The following TCF7L1 variants were observed in gnomAD, a reference collection of about 807,000 sequenced individuals.
TCF7L1 encodes the protein transcription factor 7 like 1.
In TCF7L1, 18 loss-of-function variants were observed where a neutral mutation model predicts 63.7. The ratio of observed to expected loss-of-function variants is 0.28; its 90% CI spans 0.20 to 0.42. The LOEUF (loss-of-function observed/expected upper bound fraction) is 0.42, where lower values mean the gene tolerates loss of function less well. TCF7L1 is among the 10% of genes least tolerant of loss of function. The pLI is 1.00. For missense variants in TCF7L1, 654 were observed against 779.3 expected (o/e 0.84, Z 1.91); for synonymous variants, 355 against 340.9 (o/e 1.04, Z -0.46).
At chr2:85,233,997 G>C (rs1680140583) in intron 3 of TCF7L1, 1 of 152,108 alleles carries the variant, frequency 6.6e-6, no homozygotes, top group South Asian at 2.1e-4. Context: ...TCTAGTGTGG[G>C]AAGATTATGT....
At chr2:85,244,018 A>G (rs1031318833) in intron 3 of TCF7L1, among the ~76,000 whole-genome samples, 4 of 152,202 alleles carry the variant, frequency 2.6e-5, no homozygotes, top group Admixed American at 1.3e-4. Flanking sequence ...CATTTATTCA[A>G]TATTTATTGA....
In TCF7L1 at chr2:85,298,010, T is replaced by A. The variant is rs554613673; in HGVS notation, c.526-4474T>A. ...TCTCCCTCTGTCGCTCAGGATGGAG[T>A]GCAGTGGTGCGATCTCGGCTCACTG... On this transcript the variant is annotated intron_variant, in intron 4 of 11. Transcript: ENST00000282111. Among the ~76,000 whole-genome samples, 642 of 150,710 alleles carry A rather than the reference T, an allele frequency of 4.3e-3. 3 individuals carry two copies. Among genetic ancestry groups the A allele is most frequent in the Non-Finnish European group, 6.1e-3 (411 of 67,768 alleles).
Position 85,304,999 on chromosome 2 carries a change from C to A in TCF7L1, c.846-261C>A, listed in dbSNP as rs185884330. Among the ~76,000 whole-genome samples the A allele has an allele frequency of 3.6e-3, 542 of 152,272 alleles. 8 individuals are homozygous for A. The highest frequency in any genetic ancestry group is 0.012 in the African/African-American group (504 of 41,550). ...TTCCCCAGTATGCCCGGGCCTCTGACCCTCCTCCCCTTTTGTGTGTTTCAT... is the reference window on the plus strand; with the variant it reads ...TTCCCCAGTATGCCCGGGCCTCTGAACCTCCTCCCCTTTTGTGTGTTTCAT... On this transcript the variant is annotated intron_variant, in intron 7 of 11. Transcript: ENST00000282111.
intron 3 of TCF7L1, among the ~76,000 whole-genome samples, chr2:85,216,026 A>G (rs955502223): frequency 6.6e-6 from 1 of 151,934 alleles, no homozygotes; most frequent in African/African-American, 2.4e-5. Flanking sequence ...GCGGGGGACA[A>G]TCTCCCTTTC....
intron 3 of TCF7L1, among the ~76,000 whole-genome samples, chr2:85,193,047 T>A (rs1188007768): frequency 6.6e-6 from 1 of 152,200 alleles, no homozygotes; most frequent in Non-Finnish European, 1.5e-5. Context: ...TTCATTTGAA[T>A]GAATTGTATC....
intron 3 of TCF7L1, among the ~76,000 whole-genome samples, chr2:85,246,295 A>T (rs1177630556): frequency 6.6e-6 from 1 of 152,258 alleles, no homozygotes; most frequent in Non-Finnish European, 1.5e-5. Flanking sequence ...GGATTTAATT[A>T]CTTAATGAAT....
intron 3 of TCF7L1, among the ~76,000 whole-genome samples, chr2:85,144,751 A>ATGTG (rs957076937): frequency 7.1e-6 from 1 of 141,492 alleles, no homozygotes; most frequent in Admixed American, 7.1e-5. Flanking sequence ...GTGTGTGTGT[A>ATGTG]TGTGTGTGTG....
At chr2:85,298,191 CAA>C (rs759348807) in intron 4 of TCF7L1, among the ~76,000 whole-genome samples, 4 of 44,738 alleles carry the variant, frequency 8.9e-5, no homozygotes, top group Non-Finnish European at 1.4e-4. Context: ...GACTCCATCT[CAA>C]AAAAAAAAAA....
chr2:85,174,281 A>G (rs1226186635), intron 3 of TCF7L1, among the ~76,000 whole-genome samples: 2 of 152,092 alleles, frequency 1.3e-5, no homozygotes, highest in African/African-American at 2.4e-5. Context: ...GGTGTTTTCA[A>G]GGTTCCTCTG....
At position 85,189,557 on chromosome 2, in the gene TCF7L1, G is replaced by C. The variant is rs565721528; in HGVS notation, c.441+55107G>C. 6.6e-5 allele frequency among the ~76,000 whole-genome samples: 10 copies of C among 152,356 alleles called. No homozygotes were observed. The South Asian group carries it at 1.9e-3, about 28-fold the overall frequency. ...CCTCTGCTGCTGTTACCACCATCAGGGGTGGGGGTAGGGGTGCTGTACAGT... is the reference window on the plus strand; with the variant it reads ...CCTCTGCTGCTGTTACCACCATCAGCGGTGGGGGTAGGGGTGCTGTACAGT... On this transcript the variant is annotated intron_variant, in intron 3 of 11. Coordinates refer to ENST00000282111, the MANE Select transcript of TCF7L1 (RefSeq NM_031283.3).
intron 3 of TCF7L1, among the ~76,000 whole-genome samples, chr2:85,215,564 G>A (rs1679680751): frequency 6.6e-6 from 1 of 152,200 alleles, no homozygotes; most frequent in Non-Finnish European, 1.5e-5. Flanking sequence ...GTGTACCCAC[G>A]TTGAAGCAGC....
At chr2:85,242,976 A>T (rs1680372085) in intron 3 of TCF7L1, among the ~76,000 whole-genome samples, 1 of 152,184 alleles carries the variant, frequency 6.6e-6, no homozygotes, top group Admixed American at 6.5e-5. Flanking sequence ...CAAGTCTTAA[A>T]GATCTCGACG....
intron 3 of TCF7L1, among the ~76,000 whole-genome samples, chr2:85,136,102 A>T (rs1406346333): frequency 6.6e-6 from 1 of 152,126 alleles, no homozygotes; most frequent in Non-Finnish European, 1.5e-5. Flanking sequence ...CTATTAGGAT[A>T]TCTAGAGAGA....
chr2:85,261,266 A>G (rs561652701), intron 3 of TCF7L1, among the ~76,000 whole-genome samples: 1 of 152,206 alleles, frequency 6.6e-6, no homozygotes, highest in African/African-American at 2.4e-5. Context: ...AACTATAATA[A>G]CAAGGCCCGT....
intron 3 of TCF7L1, among the ~76,000 whole-genome samples, chr2:85,195,454 A>G (rs1333939786): frequency 2.0e-5 from 3 of 152,236 alleles, no homozygotes; most frequent in African/African-American, 4.8e-5. Flanking sequence ...CACTGTCTCA[A>G]AAATAAATCA....
At chr2:85,180,233 TG>T (rs372179183) in intron 3 of TCF7L1, among the ~76,000 whole-genome samples, 2 of 149,774 alleles carry the variant, frequency 1.3e-5, no homozygotes, top group African/African-American at 2.5e-5. Context: ...TTTTTGTTTT[TG>T]TTTTTTTTTT....
chr2:85,244,285 G>A (rs892338092), intron 3 of TCF7L1, among the ~76,000 whole-genome samples: 2 of 152,188 alleles, frequency 1.3e-5, no homozygotes, highest in African/African-American at 4.8e-5. Context: ...GTAGAGAGGG[G>A]TCTTGAGCAG....
chr2:85,146,912 T>G (rs991628984), intron 3 of TCF7L1, among the ~76,000 whole-genome samples: 3 of 152,208 alleles, frequency 2.0e-5, no homozygotes, highest in Admixed American at 2.0e-4. Flanking sequence ...TGTTAATTGC[T>G]ATCTTAATCT....
At chr2:85,277,285 G>A (rs1030926466) in intron 3 of TCF7L1, among the ~76,000 whole-genome samples, 4 of 152,100 alleles carry the variant, frequency 2.6e-5, no homozygotes, top group Admixed American at 6.6e-5. Context: ...GACACGGATC[G>A]CTTCTTCACA....
Sources: gnomAD v4.1 joint callset for allele counts (sites outside exome capture counted in the v4.1 genomes callset) on GRCh38, gnomAD v4.1.1 for gene constraint, MANE v1.5 for transcripts, NCBI Gene and HGNC (gene_info 2026-07-23, HGNC 2026-07-21) for gene names.